The following LIMCH1 variants were observed in gnomAD, a reference collection of about 807,000 sequenced individuals.
LIMCH1 encodes the protein LIM and calponin homology domains 1.
LIMCH1 carries 113 observed loss-of-function variants against 176.5 expected under a neutral mutation model. The ratio of observed to expected loss-of-function variants is 0.64; its 90% CI spans 0.55 to 0.75. The LOEUF is 0.75. LIMCH1 is among the 30% of genes least tolerant of loss of function. The probability of loss-of-function intolerance (pLI) is 0.00; values close to 1 mark genes in which losing one functional copy is unlikely to be tolerated. For missense variants in LIMCH1, 1,674 were observed against 1,814.9 expected, an observed-to-expected ratio of 0.92 and a Z score of 1.41; for synonymous variants, 619 against 645.9, an observed-to-expected ratio of 0.96 and a Z score of 0.63.
At chr4:41,667,963 G>A (rs1346361858) in intron 21 of LIMCH1, among the ~76,000 whole-genome samples, 1 of 120,810 alleles carries the variant, frequency 8.3e-6, no homozygotes, top group South Asian at 2.4e-4. Flanking sequence ...AGACTTTGTC[G>A]CTACCAAAAA....
intron 1 of LIMCH1, among the ~76,000 whole-genome samples, chr4:41,393,389 C>T (rs999947676): frequency 1.3e-5 from 2 of 152,140 alleles, no homozygotes; most frequent in Admixed American, 6.5e-5. Context: ...GTCACTGTCA[C>T]GGCAATAAAG....
chr4:41,487,691 C>T (rs183005496), intron 1 of LIMCH1, among the ~76,000 whole-genome samples: 10 of 131,486 alleles, frequency 7.6e-5, no homozygotes, highest in Admixed American at 7.0e-4. Context: ...CGGAGTCTCG[C>T]TCTGTCGCCC....
chr4:41,360,688 C>A, upstream of LIMCH1: 1 of 386,052 alleles, frequency 2.6e-6, no homozygotes, highest in Non-Finnish European at 4.4e-6. This position sits in a 1 kb window ranked among gnomAD's most constrained non-coding sequence, Gnocchi z 4.5. Context: ...CCTCTAGCAG[C>A]GCGCGGCTCT....
intron 1 of LIMCH1, chr4:41,551,515 C>G (rs1047390502): frequency 6.6e-6 from 1 of 152,086 alleles, no homozygotes; most frequent in African/African-American, 2.4e-5. Context: ...ATTGGGCACT[C>G]CAAGGATACA....
At chr4:41,594,877 C>T (rs2088432428) in intron 1 of LIMCH1, among the ~76,000 whole-genome samples, 1 of 152,186 alleles carries the variant, frequency 6.6e-6, no homozygotes, top group African/African-American at 2.4e-5. Context: ...TAGGGGACTA[C>T]ATGCTGGTCA....
chr4:41,565,384 T>TACACACACACAC (rs897890089), intron 1 of LIMCH1, among the ~76,000 whole-genome samples: 1 of 100,330 alleles, frequency 1.0e-5, no homozygotes, highest in African/African-American at 5.0e-5. Context: ...CACACACACA[T>TACACACACACAC]ACACACACAC....
chr4:41,558,720 G>GAAAGA (rs2081645787), intron 1 of LIMCH1, among the ~76,000 whole-genome samples: 2 of 152,180 alleles, frequency 1.3e-5, no homozygotes, highest in Non-Finnish European at 2.9e-5. Flanking sequence ...AGATGCATTT[G>GAAAGA]TGTATTTCCA....
chr4:41,459,432 C>G (rs2154151959), intron 1 of LIMCH1, among the ~76,000 whole-genome samples: 1 of 152,144 alleles, frequency 6.6e-6, no homozygotes, highest in East Asian at 1.9e-4. Flanking sequence ...TCCCAAGTAG[C>G]TGAGACCACA....
intron 1 of LIMCH1, among the ~76,000 whole-genome samples, chr4:41,384,011 C>A (rs1383871199): frequency 6.6e-6 from 1 of 152,142 alleles, no homozygotes; most frequent in Non-Finnish European, 1.5e-5. Context: ...GGGAGGAACA[C>A]AATTGTCAAA....
chr4:41,523,771 T>C (rs757858468), intron 2 of LIMCH1, among the ~76,000 whole-genome samples: 1 of 152,238 alleles, frequency 6.6e-6, no homozygotes, highest in Non-Finnish European at 1.5e-5. Flanking sequence ...ACCATTGTTA[T>C]ATAATTTCAA....
chr4:41,481,349 G>A (rs2068586023), intron 1 of LIMCH1, among the ~76,000 whole-genome samples: 1 of 152,198 alleles, frequency 6.6e-6, no homozygotes, highest in Admixed American at 6.5e-5. Context: ...GAAGCCCTGG[G>A]CTGGGTGAAA....
Position 41,626,774 on chromosome 4 carries a change from C to T in LIMCH1, c.792C>T (p.Phe264=). ...TTGTCCTTCGCAAAGAAAACTCTTT[C>T]CTGACCCACCAACATGGCAACGATT... ...RDIVLRKENS[F]LTHQHGNDSE... is the part of the protein sequence containing the mutation. The change falls in exon 8 of 32, where the codon TTC becomes TTT. Residue 264 remains phenylalanine, a synonymous_variant. Transcript: ENST00000503057. 6.5e-7 allele frequency: 1 copy of T among 1,536,380 alleles called. No homozygotes were observed. The highest frequency in any genetic ancestry group is 8.7e-7 in the Non-Finnish European group (1 of 1,146,954).
At chr4:41,449,539 A>AT (rs2063628902) in intron 1 of LIMCH1, among the ~76,000 whole-genome samples, 2 of 151,956 alleles carry the variant, frequency 1.3e-5, no homozygotes, top group South Asian at 4.1e-4. Context: ...TTACTTTCTT[A>AT]TTACAGCAGT....
intron 2 of LIMCH1, among the ~76,000 whole-genome samples, chr4:41,503,045 C>CCATCCATCCATA (rs2073651796): frequency 6.6e-6 from 1 of 151,998 alleles, no homozygotes; most frequent in Admixed American, 6.6e-5. Context: ...ATCCATCCAT[C>CCATCCATCCATA]CATCTCTTGC....
chr4:41,558,549 C>T (rs963820977), intron 1 of LIMCH1, among the ~76,000 whole-genome samples: 9 of 152,066 alleles, frequency 5.9e-5, no homozygotes, highest in Non-Finnish European at 8.8e-5. Context: ...ATGCCATTAC[C>T]GTCCCAGCCC....
chr4:41,669,604 G>A (rs2094945956), intron 21 of LIMCH1, among the ~76,000 whole-genome samples: 1 of 152,104 alleles, frequency 6.6e-6, no homozygotes, highest in Non-Finnish European at 1.5e-5. Flanking sequence ...AAAACCACTG[G>A]CCTCAAGTAT....
At chr4:41,696,397 A>G (rs1730670759) in intron 31 of LIMCH1, among the ~76,000 whole-genome samples, 3 of 152,124 alleles carry the variant, frequency 2.0e-5, no homozygotes, top group Admixed American at 2.0e-4. Flanking sequence ...CCTCATCACA[A>G]CTGTAGTGCC....
chr4:41,554,075 A>G (rs148772723), intron 1 of LIMCH1, among the ~76,000 whole-genome samples: 143 of 152,284 alleles, frequency 9.4e-4, no homozygotes, highest in African/African-American at 3.3e-3. Flanking sequence ...TTATAAAACT[A>G]CAATTTTCTG....
chr4:41,401,894 C>G (rs919881781), intron 1 of LIMCH1, among the ~76,000 whole-genome samples: 2 of 152,160 alleles, frequency 1.3e-5, no homozygotes, highest in Admixed American at 6.5e-5. Context: ...TATCCTGAGA[C>G]TTTGCTGAAG....
Sources: gnomAD v4.1 joint callset for allele counts (sites outside exome capture counted in the v4.1 genomes callset) on GRCh38, gnomAD v4.1.1 for gene constraint, Gnocchi (gnomAD v3.1) non-coding constraint, MANE v1.5 for transcripts, NCBI Gene and HGNC (gene_info 2026-07-23, HGNC 2026-07-21) for gene names.